The following IL1RAPL1 variants were observed in gnomAD, a reference collection of about 807,000 sequenced individuals.
IL1RAPL1 encodes interleukin 1 receptor accessory protein like 1, also known as interleukin-1 receptor accessory protein-like 1.
IL1RAPL1 carries 3 observed loss-of-function variants against 48.4 expected under a neutral mutation model. The observed-to-expected ratio is 0.06, with a 90% CI of 0.03 to 0.16. The LOEUF is 0.16. Ranked by LOEUF, IL1RAPL1 falls within the 10% of genes least tolerant of loss-of-function variation. IL1RAPL1 has a pLI of 1.00. For missense variants in IL1RAPL1, 349 were observed against 530.6 expected, an observed-to-expected ratio of 0.66 and a Z score of 3.36; for synonymous variants, 185 against 187.7, an observed-to-expected ratio of 0.99 and a Z score of 0.12.
intron 2 of IL1RAPL1, among the ~76,000 whole-genome samples, chrX:29,128,045 C>T (rs1345163564): frequency 9.1e-6 from 1 of 110,120 alleles, no homozygotes; most frequent in Non-Finnish European, 1.9e-5. Context: ...CAAGAATTGT[C>T]GCATTTTCAT....
chrX:28,983,833 A>C (rs1467246941), intron 2 of IL1RAPL1, among the ~76,000 whole-genome samples: 2 of 111,892 alleles, frequency 1.8e-5, no homozygotes, highest in Non-Finnish European at 3.8e-5. Flanking sequence ...ATAGTGAGGG[A>C]ATGAAAGTAT....
At chrX:29,201,676 T>C (rs1406352596) in intron 2 of IL1RAPL1, among the ~76,000 whole-genome samples, 1 of 109,252 alleles carries the variant, frequency 9.2e-6, no homozygotes, top group East Asian at 2.8e-4. Flanking sequence ...ATTTTGACTT[T>C]AGTATAATCA....
chrX:29,850,613 T>C, intron 6 of IL1RAPL1, among the ~76,000 whole-genome samples: 1 of 112,450 alleles, frequency 8.9e-6, no homozygotes, highest in East Asian at 2.8e-4. Flanking sequence ...GTGGCGACTG[T>C]GGAAAGCAGG....
chrX:28,796,917 C>G (rs1310050105), intron 2 of IL1RAPL1, among the ~76,000 whole-genome samples: 3 of 112,410 alleles, frequency 2.7e-5, no homozygotes, highest in African/African-American at 6.5e-5. Flanking sequence ...AAACTTCTGC[C>G]TGGGCATCCA....
At chrX:29,890,898 C>T (rs1235444198) in intron 6 of IL1RAPL1, among the ~76,000 whole-genome samples, 1 of 112,237 alleles carries the variant, frequency 8.9e-6, no homozygotes, top group Admixed American at 9.5e-5. Flanking sequence ...AACCCTACCT[C>T]TAGTGTCCTA....
chrX:29,399,065 A>G (rs1933955225), intron 4 of IL1RAPL1, 90 bp from the exon 5 acceptor site: 1 of 730,160 alleles, frequency 1.4e-6, no homozygotes, highest in Admixed American at 2.7e-5. Context: ...TTAAAATGCA[A>G]TTTTAGAAGC....
intron 5 of IL1RAPL1, among the ~76,000 whole-genome samples, chrX:29,617,873 T>C (rs918872185): frequency 8.9e-6 from 1 of 111,848 alleles, no homozygotes; most frequent in African/African-American, 3.3e-5. Flanking sequence ...CTTCCAACAT[T>C]GAGATTTGAT....
At chrX:29,194,312 GT>G (rs1480595047) in intron 2 of IL1RAPL1, among the ~76,000 whole-genome samples, 1 of 112,300 alleles carries the variant, frequency 8.9e-6, no homozygotes, top group Non-Finnish European at 1.9e-5. Flanking sequence ...TAGTACCTCT[GT>G]TTTTATAGAT....
chrX:29,758,994 A>G (rs1928689186), intron 6 of IL1RAPL1, among the ~76,000 whole-genome samples: 2 of 111,724 alleles, frequency 1.8e-5, no homozygotes, highest in Admixed American at 9.6e-5. Flanking sequence ...TCTTTGAGTT[A>G]TTTTAACAAC....
intron 2 of IL1RAPL1, among the ~76,000 whole-genome samples, chrX:29,260,945 CT>C (rs1042873830): frequency 1.3e-4 from 13 of 103,787 alleles, no homozygotes; most frequent in Non-Finnish European, 1.6e-4. Flanking sequence ...TATAGTATAA[CT>C]GAACGAATAA....
chrX:29,009,563 TG>T (rs1926075278), intron 2 of IL1RAPL1, among the ~76,000 whole-genome samples: 1 of 111,814 alleles, frequency 8.9e-6, no homozygotes, highest in Non-Finnish European at 1.9e-5. Flanking sequence ...ATCAGATTGC[TG>T]TAGGCATGTG....
intron 2 of IL1RAPL1, among the ~76,000 whole-genome samples, chrX:28,888,427 G>T (rs1922694309): frequency 8.9e-6 from 1 of 111,735 alleles, no homozygotes; most frequent in Non-Finnish European, 1.9e-5. Flanking sequence ...AGGAGTATTT[G>T]TTACTAATTA....
chrX:29,635,512 A>G (rs1451438270), intron 5 of IL1RAPL1, among the ~76,000 whole-genome samples: 1 of 111,966 alleles, frequency 8.9e-6, no homozygotes, highest in Non-Finnish European at 1.9e-5. Flanking sequence ...CAGGCCAACA[A>G]GTTCTCAAAA....
chrX:29,544,422 C>T (rs1361972360), intron 5 of IL1RAPL1, among the ~76,000 whole-genome samples: 2 of 111,644 alleles, frequency 1.8e-5, no homozygotes, highest in Non-Finnish European at 3.8e-5. Context: ...TTATACCTTT[C>T]AAGTGTTGTG....
intron 1 of IL1RAPL1, among the ~76,000 whole-genome samples, chrX:28,727,141 C>T (rs1170721272): frequency 9.0e-6 from 1 of 111,139 alleles, no homozygotes; most frequent in Non-Finnish European, 1.9e-5. Context: ...GCCATTTTCA[C>T]GATATTGATT....
chrX:29,719,575 T>C (rs1266569802), intron 6 of IL1RAPL1, among the ~76,000 whole-genome samples: 1 of 109,795 alleles, frequency 9.1e-6, no homozygotes. Flanking sequence ...CTAAGACTTT[T>C]TCAACCACTC....
chrX:29,309,211 G>A (rs141723137), intron 3 of IL1RAPL1, among the ~76,000 whole-genome samples: 1 of 111,859 alleles, frequency 8.9e-6, no homozygotes, highest in Non-Finnish European at 1.9e-5. Flanking sequence ...TGCAATAGGG[G>A]CAAGAAAGTA....
chrX:29,462,494 G>A (rs1934814439), intron 5 of IL1RAPL1, among the ~76,000 whole-genome samples: 2 of 111,431 alleles, frequency 1.8e-5, no homozygotes, highest in Non-Finnish European at 3.8e-5. Flanking sequence ...GTCTGTGACA[G>A]CATGAATACT....
At chrX:29,413,720 A>G (rs1462876822) in intron 5 of IL1RAPL1, among the ~76,000 whole-genome samples, 1 of 110,806 alleles carries the variant, frequency 9.0e-6, no homozygotes, top group Non-Finnish European at 1.9e-5. Context: ...ATTATCATCA[A>G]TACAATTATT....
Sources: gnomAD v4.1 joint callset for allele counts (sites outside exome capture counted in the v4.1 genomes callset) on GRCh38, gnomAD v4.1.1 for gene constraint, MANE v1.5 for transcripts, NCBI Gene and HGNC (gene_info 2026-07-23, HGNC 2026-07-21) for gene names.